The following FHIT variants were observed in gnomAD, a reference collection of about 807,000 sequenced individuals.
FHIT encodes the protein fragile histidine triad diadenosine triphosphatase, also known as bis(5'-adenosyl)-triphosphatase.
A neutral mutation model predicts 17.9 loss-of-function variants in FHIT; 19 were observed. That is an observed-to-expected ratio of 1.06 (90% CI 0.74 to 1.56). The LOEUF (loss-of-function observed/expected upper bound fraction) is 1.56. FHIT is among the 40% of genes most tolerant of loss of function. The probability of loss-of-function intolerance (pLI) is 0.00; values close to 1 mark genes in which losing one functional copy is unlikely to be tolerated. For synonymous variants in FHIT, 81 were observed against 69.7 expected (o/e 1.16, Z -0.81); for missense variants, 248 against 189.2 (o/e 1.31, Z -1.82).
intron 2 of FHIT, among the ~76,000 whole-genome samples, chr3:61,114,034 A>T (rs2036232380): frequency 6.6e-6 from 1 of 152,200 alleles, no homozygotes. Context: ...CTATTGAGGT[A>T]TATTAAGGAC....
chr3:59,901,730 C>T (rs1036510915), intron 8 of FHIT, among the ~76,000 whole-genome samples: 1 of 152,124 alleles, frequency 6.6e-6, no homozygotes, highest in Non-Finnish European at 1.5e-5. Flanking sequence ...GAAGTACCTT[C>T]AAAAATTAAA....
chr3:59,815,533 A>G (rs1700567971), intron 8 of FHIT, among the ~76,000 whole-genome samples: 1 of 152,206 alleles, frequency 6.6e-6, no homozygotes, highest in Admixed American at 6.5e-5. Context: ...ATATATATAC[A>G]ATGGACTACT....
At chr3:59,997,725 T>A (rs1443996728) in intron 7 of FHIT, among the ~76,000 whole-genome samples, 1 of 152,176 alleles carries the variant, frequency 6.6e-6, no homozygotes. Context: ...CCTTGGGAGC[T>A]GACTCATAGT....
intron 1 of FHIT, among the ~76,000 whole-genome samples, chr3:61,210,110 G>A (rs945978672): frequency 5.3e-5 from 8 of 152,226 alleles, no homozygotes; most frequent in South Asian, 2.1e-4. Flanking sequence ...ATCAGCAGCC[G>A]TGGCTGCAGA....
chr3:59,876,040 A>C (rs1359571373), intron 8 of FHIT, among the ~76,000 whole-genome samples: 1 of 152,152 alleles, frequency 6.6e-6, no homozygotes, highest in Non-Finnish European at 1.5e-5. Flanking sequence ...CACAGAAATC[A>C]AAAAGAATCA....
chr3:61,027,749 A>G (rs1253529923), intron 3 of FHIT, among the ~76,000 whole-genome samples: 1 of 152,200 alleles, frequency 6.6e-6, no homozygotes. Context: ...TAGACTGGCT[A>G]TGGATATAAG....
intron 3 of FHIT, among the ~76,000 whole-genome samples, chr3:60,918,021 G>T (rs1553767463): frequency 6.6e-6 from 1 of 152,190 alleles, no homozygotes; most frequent in African/African-American, 2.4e-5. Context: ...GGCAGGGCTA[G>T]GTGGAGATAA....
chr3:60,267,694 A>T (rs560770090), intron 5 of FHIT, among the ~76,000 whole-genome samples: 155 of 152,268 alleles, frequency 1.0e-3, no homozygotes, highest in African/African-American at 3.6e-3. Flanking sequence ...TTTAGTAAAT[A>T]TTTAAGCATT....
At chr3:60,626,990 T>G (rs138559972) in intron 4 of FHIT, among the ~76,000 whole-genome samples, 1 of 152,130 alleles carries the variant, frequency 6.6e-6, no homozygotes, top group Admixed American at 6.5e-5. Flanking sequence ...ATATGCTATA[T>G]TACATTTATT....
intron 4 of FHIT, among the ~76,000 whole-genome samples, chr3:60,560,246 T>G (rs150401177): frequency 1.3e-4 from 20 of 152,270 alleles, no homozygotes; most frequent in African/African-American, 4.8e-4. Flanking sequence ...AGTGCCTGTC[T>G]TGTATTATTT....
chr3:60,401,282 GAC>G (rs1238556615), intron 5 of FHIT, among the ~76,000 whole-genome samples: 1 of 152,178 alleles, frequency 6.6e-6, no homozygotes, highest in Non-Finnish European at 1.5e-5. Flanking sequence ...GCTCATGAAA[GAC>G]AGCTGTGCTG....
intron 5 of FHIT, among the ~76,000 whole-genome samples, chr3:60,328,958 A>G (rs998940172): frequency 1.3e-5 from 2 of 152,204 alleles, no homozygotes; most frequent in African/African-American, 4.8e-5. Context: ...CAGGACCTCA[A>G]TACACAATAG....
intron 5 of FHIT, among the ~76,000 whole-genome samples, chr3:60,354,647 A>G (rs1699567264): frequency 6.6e-6 from 1 of 152,142 alleles, no homozygotes; most frequent in Non-Finnish European, 1.5e-5. Flanking sequence ...AGTGAATATA[A>G]AAAACAATTC....
intron 3 of FHIT, among the ~76,000 whole-genome samples, chr3:60,990,861 T>C (rs936625455): frequency 2.6e-5 from 4 of 152,224 alleles, no homozygotes; most frequent in African/African-American, 4.8e-5. Context: ...AAATGTCTTA[T>C]AGAGTTACAC....
intron 4 of FHIT, among the ~76,000 whole-genome samples, chr3:60,545,564 G>A (rs241675): frequency 0.5 from 76,037 of 151,920 alleles, 19,392 homozygotes; most frequent in East Asian, 0.61. Flanking sequence ...TTATCACTCC[G>A]CTCTAAAACT....
intron 4 of FHIT, chr3:60,537,505 A>G: frequency 2.1e-6 from 2 of 972,902 alleles, no homozygotes; most frequent in Non-Finnish European, 2.4e-6. Flanking sequence ...GAACTATTCT[A>G]GTAAAATCTC....
Position 60,044,214 on chromosome 3 carries a change from G to A in FHIT, c.104-30062C>T, listed in dbSNP as rs1327861553. 7.2e-5 allele frequency among the ~76,000 whole-genome samples: 11 copies of A among 152,292 alleles called. No individual in the cohort carries two copies. The East Asian group carries it at 1.2e-3, about 16-fold the overall frequency. On this transcript the variant is annotated intron_variant, in intron 5 of 9. Coordinates refer to ENST00000492590, the MANE Select transcript of FHIT (RefSeq NM_002012.4). ...GGTTTGCTGAATACAGTAGAAAGAC[G>A]TGACAGATCTTAATTATAAAAGAAC...
At position 60,826,152 on chromosome 3, in the gene FHIT, T is replaced by TGGAAGGAA. The variant is rs201232384; in HGVS notation, c.-110-4149_-110-4142dup. Among the ~76,000 whole-genome samples the TGGAAGGAA allele has an allele frequency of 3.2e-3, 409 of 128,290 alleles. 2 individuals carry two copies. The highest frequency in any genetic ancestry group is 9.6e-3 in the African/African-American group (319 of 33,272). The allele number at this position is 128,290 out of a possible 152,430, so 84.2% of individuals were successfully genotyped here. ...GGAAAGGGAGGGAGGGATGAATGGA[T>TGGAAGGAA]GGAAGGAAGGAAGGAAGGAAGGAAG... On this transcript the variant is annotated intron_variant, in intron 3 of 9. Transcript: ENST00000492590.
intron 8 of FHIT, among the ~76,000 whole-genome samples, chr3:59,820,983 G>A (rs1469167143): frequency 6.6e-6 from 1 of 152,156 alleles, no homozygotes; most frequent in Admixed American, 6.5e-5. Flanking sequence ...GATGTTTATG[G>A]GAAGGTGAGT....
Sources: gnomAD v4.1 joint callset for allele counts (sites outside exome capture counted in the v4.1 genomes callset) on GRCh38, gnomAD v4.1.1 for gene constraint, MANE v1.5 for transcripts, NCBI Gene and HGNC (gene_info 2026-07-23, HGNC 2026-07-21) for gene names.